C10orf143: variants seen among roughly 807,000 people sequenced by gnomAD.
C10orf143 encodes uncharacterized protein C10orf143.
chr10:130,082,398 G>A (rs1045011421), intron 1 of C10orf143, among the ~76,000 whole-genome samples: 28 of 152,078 alleles, frequency 1.8e-4, no homozygotes, highest in African/African-American at 6.3e-4. Context: ...ACCATGACAT[G>A]GTTTGGCTGT....
chr10:130,098,420 G>A (rs1861496553), intron 1 of C10orf143, among the ~76,000 whole-genome samples: 1 of 152,216 alleles, frequency 6.6e-6, no homozygotes, highest in African/African-American at 2.4e-5. Flanking sequence ...TGATGATAAT[G>A]AAGGGTGACC....
At chr10:130,107,303 A>C (rs571808262) in intron 1 of C10orf143, 1 of 1,103,700 alleles carries the variant, frequency 9.1e-7, no homozygotes, top group African/African-American at 1.5e-5. Flanking sequence ...CAAAAAGATC[A>C]GCCATGCCAC....
chr10:130,097,633 T>C (rs539679673), intron 1 of C10orf143, among the ~76,000 whole-genome samples: 2 of 152,206 alleles, frequency 1.3e-5, no homozygotes, highest in South Asian at 2.1e-4. Context: ...TCGGTACCTA[T>C]GTGAATTTTC....
chr10:130,041,692 C>T (rs139491290), intron 3 of C10orf143, among the ~76,000 whole-genome samples: 1 of 152,302 alleles, frequency 6.6e-6, no homozygotes, highest in African/African-American at 2.4e-5. Flanking sequence ...TGTAGCAACA[C>T]ATGGCTTTTA....
chr10:130,062,111 C>G (rs992368488), downstream of C10orf143, among the ~76,000 whole-genome samples: 1 of 151,938 alleles, frequency 6.6e-6, no homozygotes, highest in Non-Finnish European at 1.5e-5. Context: ...AATTTCTGAG[C>G]CTTCTATTTC....
chr10:130,070,492 C>A (rs980690808), intron 3 of C10orf143, among the ~76,000 whole-genome samples: 3 of 152,216 alleles, frequency 2.0e-5, no homozygotes, highest in African/African-American at 2.4e-5. Flanking sequence ...CAGCTCTACA[C>A]GTTTCTCTGC....
intron 3 of C10orf143, among the ~76,000 whole-genome samples, chr10:130,072,904 C>T (rs1861055521): frequency 1.3e-5 from 2 of 152,170 alleles, no homozygotes; most frequent in African/African-American, 4.8e-5. Flanking sequence ...GGGACAATGG[C>T]ACCAAACAGA....
At chr10:130,085,206 G>A (rs1861270962) in intron 1 of C10orf143, among the ~76,000 whole-genome samples, 1 of 152,206 alleles carries the variant, frequency 6.6e-6, no homozygotes, top group Non-Finnish European at 1.5e-5. Context: ...AGTTTAAGGA[G>A]AAACTGGATG....
chr10:130,061,806 G>C (rs1474933452), downstream of C10orf143, among the ~76,000 whole-genome samples: 1 of 152,208 alleles, frequency 6.6e-6, no homozygotes, highest in Non-Finnish European at 1.5e-5. Context: ...CTGTGGTGCT[G>C]ACAAATTAAT....
chr10:130,107,273 G>A, intron 1 of C10orf143: 2 of 1,174,646 alleles, frequency 1.7e-6, no homozygotes, highest in Non-Finnish European at 2.6e-6. Flanking sequence ...AGAGAAAGAA[G>A]AGAAACTTTC....
chr10:130,039,476 G>A (rs950668623), intron 3 of C10orf143, among the ~76,000 whole-genome samples: 1 of 152,086 alleles, frequency 6.6e-6, no homozygotes, highest in Non-Finnish European at 1.5e-5. Context: ...GAGAGCAAAC[G>A]TGCCCTCCTC....
At chr10:130,042,905 T>C (rs1536090) in intron 3 of C10orf143, among the ~76,000 whole-genome samples, 66,933 of 151,944 alleles carry the variant, frequency 0.44, 14,967 homozygotes, top group African/African-American at 0.51. Context: ...TGTGTATCAG[T>C]CGTGGCAAAA....
chr10:130,076,434 G>A (rs936711085), intron 3 of C10orf143, among the ~76,000 whole-genome samples: 3 of 152,126 alleles, frequency 2.0e-5, no homozygotes, highest in Admixed American at 6.5e-5. Flanking sequence ...AAAGGAGGTC[G>A]GAGCTGAGAA....
intron 3 of C10orf143, among the ~76,000 whole-genome samples, chr10:130,050,618 G>GT (rs900798276): frequency 2.0e-5 from 3 of 152,100 alleles, no homozygotes; most frequent in African/African-American, 4.8e-5. Context: ...AAAACAATGT[G>GT]TTTTTTTAAA....
At chr10:130,089,196 A>G (rs898295173) in intron 1 of C10orf143, among the ~76,000 whole-genome samples, 2 of 152,206 alleles carry the variant, frequency 1.3e-5, no homozygotes, top group Non-Finnish European at 2.9e-5. Context: ...AAAAGACATA[A>G]ATGAACACAT....
intron 3 of C10orf143, among the ~76,000 whole-genome samples, chr10:130,040,734 G>A (rs1333880789): frequency 1.3e-5 from 2 of 152,294 alleles, no homozygotes; most frequent in East Asian, 1.9e-4. Context: ...TCAGGAGGCT[G>A]GGGCAGCAGA....
intron 3 of C10orf143, among the ~76,000 whole-genome samples, chr10:130,046,871 C>G (rs1394585624): frequency 1.3e-5 from 2 of 152,254 alleles, no homozygotes; most frequent in African/African-American, 4.8e-5. Context: ...GCTCCCTGAC[C>G]TTTCTGGGGG....
intron 1 of C10orf143, among the ~76,000 whole-genome samples, chr10:130,095,449 T>C (rs1396060839): frequency 1.3e-5 from 2 of 152,058 alleles, no homozygotes; most frequent in Non-Finnish European, 2.9e-5. Flanking sequence ...CTACTTTAAA[T>C]TTCATATGGA....
intron 1 of C10orf143, among the ~76,000 whole-genome samples, chr10:130,092,589 G>A (rs566289027): frequency 6.6e-6 from 1 of 152,164 alleles, no homozygotes; most frequent in Non-Finnish European, 1.5e-5. Flanking sequence ...ACATAAATGG[G>A]ATAAATGCCC....
Sources: gnomAD v4.1 joint callset for allele counts (sites outside exome capture counted in the v4.1 genomes callset) on GRCh38, gnomAD v4.1.1 for gene constraint, MANE v1.5 for transcripts, NCBI Gene and HGNC (gene_info 2026-07-23, HGNC 2026-07-21) for gene names.